CTXND1: variants seen among roughly 807,000 people sequenced by gnomAD.
The protein encoded by CTXND1 is cortexin domain-containing 1 protein.
At chr15:80,222,744 CTTT>C (rs2142130952) in intron 1 of CTXND1, among the ~76,000 whole-genome samples, 1 of 152,124 alleles carries the variant, frequency 6.6e-6, no homozygotes, top group African/African-American at 2.4e-5. Flanking sequence ...TTCTATAATG[CTTT>C]TTATTTTTTA....
Position 80,201,056 on chromosome 15 carries a change from A to T in CTXND1, c.*714T>A, listed in dbSNP as rs1272188307. Reference sequence around the variant, plus strand: ...ACAAGTAAAAAGGCTGGAAGAAAATATATCAAAATGGTGGTTTCCGGGAGG... The same window carrying T: ...ACAAGTAAAAAGGCTGGAAGAAAATTTATCAAAATGGTGGTTTCCGGGAGG... On this transcript the variant is annotated 3_prime_UTR_variant, in exon 3 of 3. Transcript: ENST00000560778. 4 of 152,210 alleles carry T rather than the reference A, an allele frequency of 2.6e-5. No homozygotes were observed. The highest frequency in any genetic ancestry group is 9.7e-5 in the African/African-American group (4 of 41,448). 9.4% of individuals were successfully genotyped at this position (152,210 alleles called of 1,614,324 possible). A position where few individuals can be genotyped will look rare whatever the true frequency, so the allele number is the denominator to read the frequency against.
chr15:80,240,097 C>G (rs958107450), intron 1 of CTXND1, among the ~76,000 whole-genome samples: 6 of 152,186 alleles, frequency 3.9e-5, no homozygotes, highest in African/African-American at 1.4e-4. Flanking sequence ...TCCCGAGTAG[C>G]TGGGATTACG....
chr15:80,216,924 A>G (rs1456870335), intron 1 of CTXND1, among the ~76,000 whole-genome samples: 2 of 152,026 alleles, frequency 1.3e-5, no homozygotes, highest in African/African-American at 2.4e-5. Flanking sequence ...CCCTTCCATT[A>G]TTTTAGAGTT....
intron 1 of CTXND1, among the ~76,000 whole-genome samples, chr15:80,233,186 G>A (rs1038065708): frequency 2.6e-5 from 4 of 152,006 alleles, no homozygotes; most frequent in Non-Finnish European, 5.9e-5. Context: ...TGATCCACCC[G>A]CCTCAGCCTC....
At chr15:80,202,694 G>C (rs1337491301) in intron 2 of CTXND1, among the ~76,000 whole-genome samples, 1 of 152,188 alleles carries the variant, frequency 6.6e-6, no homozygotes, top group East Asian at 1.9e-4. Context: ...ACTGAGGAGG[G>C]GCTGCTGTCA....
chr15:80,239,989 G>A (rs1322048500), intron 1 of CTXND1, among the ~76,000 whole-genome samples: 1 of 151,998 alleles, frequency 6.6e-6, no homozygotes, highest in East Asian at 1.9e-4. Context: ...TTTTGAGACG[G>A]AGTTTTGCTC....
intron 1 of CTXND1, among the ~76,000 whole-genome samples, chr15:80,249,794 A>C (rs1893673764): frequency 6.6e-6 from 1 of 152,316 alleles, no homozygotes; most frequent in Non-Finnish European, 1.5e-5. Flanking sequence ...TGATTGTAGA[A>C]AGCATGTAAT....
At chr15:80,237,266 T>C (rs1315626534) in intron 1 of CTXND1, among the ~76,000 whole-genome samples, 3 of 134,846 alleles carry the variant, frequency 2.2e-5, no homozygotes, top group African/African-American at 8.6e-5. Context: ...ACCTGGGAGG[T>C]GGAGCTTGCA....
intron 1 of CTXND1, among the ~76,000 whole-genome samples, chr15:80,242,657 A>G (rs1893583887): frequency 6.6e-6 from 1 of 152,162 alleles, no homozygotes; most frequent in Non-Finnish European, 1.5e-5. Context: ...TTTATGTTTA[A>G]TTTTGTTTTA....
rs1421401386 is a variant in CTXND1 at position 80,196,673 on chromosome 15, C to T, written c.*5097G>A. ...CGGGGACAAAATATTTTTCTCCCATCTAAGCAAAGTTTGTGAATGGCTGCT... is the reference window on the plus strand; with the variant it reads ...CGGGGACAAAATATTTTTCTCCCATTTAAGCAAAGTTTGTGAATGGCTGCT... On this transcript the variant is annotated 3_prime_UTR_variant, in exon 3 of 3. Transcript: ENST00000560778. 6.6e-6 allele frequency: 1 copy of T among 152,250 alleles called. No homozygotes were observed. Among genetic ancestry groups the T allele is most frequent in the Non-Finnish European group, 1.5e-5 (1 of 68,062 alleles). The allele number at this position is 152,250 out of a possible 1,614,324, so 9.4% of individuals were successfully genotyped here.
At chr15:80,246,500 G>A (rs970419006) in intron 1 of CTXND1, among the ~76,000 whole-genome samples, 16 of 152,356 alleles carry the variant, frequency 1.1e-4, no homozygotes, top group Middle Eastern at 3.4e-3. Context: ...AGCCGACTGC[G>A]TCATGACATT....
chr15:80,207,196 ATC>A (rs1595903714), intron 1 of CTXND1, among the ~76,000 whole-genome samples: 1 of 151,952 alleles, frequency 6.6e-6, no homozygotes, highest in East Asian at 1.9e-4. Context: ...TTAAATATTC[ATC>A]TGTCCCATTT....
At chr15:80,202,847 G>T (rs568596590) in intron 2 of CTXND1, among the ~76,000 whole-genome samples, 1 of 152,204 alleles carries the variant, frequency 6.6e-6, no homozygotes, top group Admixed American at 6.5e-5. Context: ...TGGCAGTCAC[G>T]TGGAAGAGTC....
In CTXND1 at chr15:80,198,680, A is replaced by C. The variant is rs1272713792; in HGVS notation, c.*3090T>G. 6.6e-6 allele frequency: 1 copy of C among 152,172 alleles called. No homozygotes were observed. Among genetic ancestry groups the C allele is most frequent in the Non-Finnish European group, 1.5e-5 (1 of 68,038 alleles). 9.4% of individuals were successfully genotyped at this position (152,172 alleles called of 1,614,324 possible). On this transcript the variant is annotated 3_prime_UTR_variant, in exon 3 of 3. Transcript: ENST00000560778. Reference sequence around the variant, plus strand: ...CCCCATGTGCTCCATGTGTCTCTTAAATGGAGAGAGTGTACTGTAAGTATT... The same window carrying C: ...CCCCATGTGCTCCATGTGTCTCTTACATGGAGAGAGTGTACTGTAAGTATT...
At chr15:80,216,943 T>G (rs1393948612) in intron 1 of CTXND1, among the ~76,000 whole-genome samples, 12 of 152,166 alleles carry the variant, frequency 7.9e-5, no homozygotes, top group Non-Finnish European at 1.8e-4. Flanking sequence ...TTTGATGGAC[T>G]AAGGCTCAGA....
At position 80,238,554 on chromosome 15, in the gene CTXND1, G is replaced by T. The variant is rs377634090; in HGVS notation, c.-218+13453C>A. ...GGCTGGAGTGCAGTGGCGATTTCTC[G>T]GCTCACTGCAAGCTCCACCTCCCAG... On this transcript the variant is annotated intron_variant, in intron 1 of 2. Coordinates refer to ENST00000560778, the MANE Select transcript of CTXND1 (RefSeq NM_001352888.2). 2.7e-5 allele frequency among the ~76,000 whole-genome samples: 4 copies of T among 147,952 alleles called. No homozygotes were observed. The South Asian group carries it at 8.5e-4, about 31-fold the overall frequency.
chr15:80,226,471 C>T (rs993807272), intron 1 of CTXND1, among the ~76,000 whole-genome samples: 1 of 152,186 alleles, frequency 6.6e-6, no homozygotes, highest in Non-Finnish European at 1.5e-5. Context: ...CTCTCTGGCC[C>T]TCCTGCTAGT....
At chr15:80,217,997 C>T (rs548444248) in intron 1 of CTXND1, among the ~76,000 whole-genome samples, 12 of 152,144 alleles carry the variant, frequency 7.9e-5, no homozygotes. Flanking sequence ...AGATTTTCTA[C>T]CTTTTCTTAT....
chr15:80,248,236 A>C lies in CTXND1; in HGVS notation c.-218+3771T>G, dbSNP rs1895054856. ...GTACAAGTCATACCTGATTCGATGC[A>C]GGCAGCCCAACCTGGGAACAGACCT... On this transcript the variant is annotated intron_variant, in intron 1 of 2. Coordinates refer to ENST00000560778, the MANE Select transcript of CTXND1 (RefSeq NM_001352888.2). 2.0e-5 allele frequency among the ~76,000 whole-genome samples: 3 copies of C among 152,216 alleles called. No individual in the cohort carries two copies. In the South Asian group the frequency reaches 6.2e-4, roughly 32 times the overall value.
Sources: allele counts gnomAD v4.1 joint callset (sites outside exome capture counted in the v4.1 genomes callset), GRCh38; gene constraint gnomAD v4.1.1; transcripts MANE v1.5; gene names NCBI Gene and HGNC (gene_info 2026-07-23, HGNC 2026-07-21).